Variants in SKAP2 observed in about 807,000 individuals in gnomAD.
SKAP2 encodes the protein src kinase-associated phosphoprotein 2.
A neutral mutation model predicts 54.9 loss-of-function variants in SKAP2; 28 were observed. The observed-to-expected ratio is 0.51, with a 90% CI of 0.38 to 0.70. The LOEUF is 0.70. Among genes scored for constraint, SKAP2 ranks in the 30% least tolerant of loss-of-function variants. The probability of loss-of-function intolerance (pLI) is 0.00; values close to 1 mark genes in which losing one functional copy is unlikely to be tolerated. For missense variants in SKAP2, 356 were observed against 424.1 expected, an observed-to-expected ratio of 0.84 and a Z score of 1.41; for synonymous variants, 137 against 134.3, an observed-to-expected ratio of 1.02 and a Z score of -0.14.
At chr7:26,824,272 A>T (rs1385384623) in intron 4 of SKAP2, among the ~76,000 whole-genome samples, 1 of 152,230 alleles carries the variant, frequency 6.6e-6, no homozygotes, top group African/African-American at 2.4e-5. Flanking sequence ...GCATTTTAAA[A>T]TTACAGTATG....
At chr7:26,769,754 C>A (rs140488175) in intron 4 of SKAP2, among the ~76,000 whole-genome samples, 1,802 of 152,272 alleles carry the variant, frequency 0.012, 36 homozygotes, top group African/African-American at 0.04. Flanking sequence ...CTACTCCAGA[C>A]CCTGTTTGCC....
chr7:26,666,701 G>A (rs745849407), downstream of SKAP2, among the ~76,000 whole-genome samples: 1 of 152,094 alleles, frequency 6.6e-6, no homozygotes, highest in Admixed American at 6.6e-5. Flanking sequence ...TTAGCACACA[G>A]TAAAAATAAT....
At chr7:26,840,156 G>C (rs1174356548) in intron 4 of SKAP2, among the ~76,000 whole-genome samples, 1 of 151,956 alleles carries the variant, frequency 6.6e-6, no homozygotes, top group African/African-American at 2.4e-5. Context: ...TTTTTAGTTA[G>C]AAAGACACCA....
At chr7:26,680,835 T>C (rs1157128588) in intron 11 of SKAP2, among the ~76,000 whole-genome samples, 1 of 152,140 alleles carries the variant, frequency 6.6e-6, no homozygotes, top group Non-Finnish European at 1.5e-5. Context: ...ACATGATAGC[T>C]GCTAATTGGA....
At chr7:26,812,534 A>C (rs1169289713) in intron 4 of SKAP2, among the ~76,000 whole-genome samples, 1 of 152,152 alleles carries the variant, frequency 6.6e-6, no homozygotes, top group African/African-American at 2.4e-5. Flanking sequence ...CATAGAATAT[A>C]AAAAAATCAA....
intron 4 of SKAP2, among the ~76,000 whole-genome samples, chr7:26,811,967 A>C (rs1784155619): frequency 6.6e-6 from 1 of 152,240 alleles, no homozygotes; most frequent in Non-Finnish European, 1.5e-5. Context: ...CATTAAAGTC[A>C]CATCCTAACT....
intron 9 of SKAP2, among the ~76,000 whole-genome samples, chr7:26,693,016 G>A (rs1056277052): frequency 1.3e-5 from 2 of 152,258 alleles, no homozygotes; most frequent in African/African-American, 4.8e-5. Flanking sequence ...AATACAATAA[G>A]TATTATTAGT....
chr7:26,736,904 G>GAA, intron 6 of SKAP2, among the ~76,000 whole-genome samples: 1 of 109,274 alleles, frequency 9.2e-6, no homozygotes. Context: ...TCTCTAAAAA[G>GAA]AAAAAAAAAA....
chr7:26,690,025 G>T (rs1220338831), intron 10 of SKAP2, among the ~76,000 whole-genome samples: 1 of 152,182 alleles, frequency 6.6e-6, no homozygotes, highest in Admixed American at 6.5e-5. Context: ...CCTTTGTGCA[G>T]AAATGAAAGC....
intron 11 of SKAP2, among the ~76,000 whole-genome samples, chr7:26,681,720 T>G (rs1034469623): frequency 2.0e-5 from 3 of 152,214 alleles, no homozygotes; most frequent in African/African-American, 7.2e-5. Context: ...TATTTATTAT[T>G]AACAGACAAG....
chr7:26,846,429 G>A (rs1784922373), intron 3 of SKAP2, among the ~76,000 whole-genome samples: 1 of 151,918 alleles, frequency 6.6e-6, no homozygotes, highest in Non-Finnish European at 1.5e-5. Flanking sequence ...ATTATTATGT[G>A]TGCATATATA....
chr7:26,717,601 G>A (rs1316553373), intron 9 of SKAP2, among the ~76,000 whole-genome samples: 1 of 142,442 alleles, frequency 7.0e-6, no homozygotes, highest in Non-Finnish European at 1.5e-5. Context: ...CAAGGTGGGC[G>A]AATCACCTGA....
intron 11 of SKAP2, among the ~76,000 whole-genome samples, chr7:26,680,561 A>G (rs1304748618): frequency 2.0e-5 from 3 of 152,246 alleles, no homozygotes; most frequent in Non-Finnish European, 4.4e-5. Flanking sequence ...AAAATCACAA[A>G]TTCTGCTTTC....
At position 26,844,021 on chromosome 7, in the gene SKAP2, G is replaced by A. The variant is rs1784870721; in HGVS notation, c.307+9C>T. ...GAGTGTCAGAGTTACGTGGGAAAATGTCACATACCATCAGAGGGGGCTTCA... is the reference window on the plus strand; with the variant it reads ...GAGTGTCAGAGTTACGTGGGAAAATATCACATACCATCAGAGGGGGCTTCA... On this transcript the variant is annotated intron_variant, in intron 4 of 12. Coordinates refer to ENST00000345317, the MANE Select transcript of SKAP2 (RefSeq NM_003930.5). 2 of 1,538,786 alleles carry A rather than the reference G, an allele frequency of 1.3e-6. No homozygotes were observed. Among genetic ancestry groups the A allele is most frequent in the Non-Finnish European group, 1.8e-6 (2 of 1,112,286 alleles).
intron 4 of SKAP2, among the ~76,000 whole-genome samples, chr7:26,813,927 T>G (rs1274011224): frequency 6.6e-6 from 1 of 152,180 alleles, no homozygotes; most frequent in Admixed American, 6.6e-5. Context: ...TTTACATATT[T>G]GAGTTAAGAT....
At chr7:26,774,226 T>A (rs1783251233) in intron 4 of SKAP2, among the ~76,000 whole-genome samples, 2 of 151,962 alleles carry the variant, frequency 1.3e-5, no homozygotes, top group African/African-American at 4.8e-5. Flanking sequence ...GGCAGGAGAA[T>A]CCCTTGAACC....
At chr7:26,739,585 T>C (rs187511607) in intron 5 of SKAP2, among the ~76,000 whole-genome samples, 4 of 152,280 alleles carry the variant, frequency 2.6e-5, no homozygotes, top group Non-Finnish European at 4.4e-5. Context: ...TGGTGAGAAA[T>C]CCCACCTTTG....
chr7:26,775,514 C>T (rs1053746648), intron 4 of SKAP2, among the ~76,000 whole-genome samples: 1 of 141,572 alleles, frequency 7.1e-6, no homozygotes, highest in East Asian at 2.1e-4. Flanking sequence ...ATTTAGATTT[C>T]CCAGTTTTAC....
At chr7:26,789,205 G>T (rs1043769176) in intron 4 of SKAP2, among the ~76,000 whole-genome samples, 1 of 151,958 alleles carries the variant, frequency 6.6e-6, no homozygotes, top group African/African-American at 2.4e-5. Flanking sequence ...CTTAATTTAC[G>T]TATCTAAAAA....
Sources: gnomAD v4.1 joint callset for allele counts (sites outside exome capture counted in the v4.1 genomes callset) on GRCh38, gnomAD v4.1.1 for gene constraint, MANE v1.5 for transcripts, NCBI Gene and HGNC (gene_info 2026-07-23, HGNC 2026-07-21) for gene names.